The following ADAMTS19 variants were observed in gnomAD, a reference collection of about 807,000 sequenced individuals.
ADAMTS19 encodes the protein A disintegrin and metalloproteinase with thrombospondin motifs 19.
ADAMTS19 carries 93 observed loss-of-function variants against 153.3 expected under a neutral mutation model. That is an observed-to-expected ratio of 0.61 (90% CI 0.51 to 0.72). ADAMTS19 has a LOEUF of 0.72. Among genes scored for constraint, ADAMTS19 ranks in the 30% least tolerant of loss-of-function variants. The pLI is 0.00. For missense variants in ADAMTS19, 1,482 were observed against 1,552.1 expected (o/e 0.95, Z 0.76); for synonymous variants, 600 against 556.6 (o/e 1.08, Z -1.10).
intron 10 of ADAMTS19, among the ~76,000 whole-genome samples, chr5:129,622,940 C>T (rs1370876662): frequency 6.6e-6 from 1 of 151,414 alleles, no homozygotes; most frequent in Non-Finnish European, 1.5e-5. Flanking sequence ...TTGGTTGGAT[C>T]CCTGGATGTG....
chr5:129,518,249 T>C (rs1751679134), intron 3 of ADAMTS19, among the ~76,000 whole-genome samples: 1 of 152,152 alleles, frequency 6.6e-6, no homozygotes, highest in East Asian at 1.9e-4. Context: ...GTAACAGTGT[T>C]ATAATATTCT....
chr5:129,587,595 C>T lies in ADAMTS19; in HGVS notation c.1373-8964C>T, dbSNP rs532542274. On this transcript the variant is annotated intron_variant, in intron 7 of 22. Transcript: ENST00000274487. ...TTGGGACTGTATTGTGTCACAAGTT[C>T]ACATGGAGATTCTGTTCGGCTCTTC... 1.2e-3 allele frequency among the ~76,000 whole-genome samples: 182 copies of T among 152,264 alleles called. 1 individual carries two copies. Among genetic ancestry groups the T allele is most frequent in the African/African-American group, 4.2e-3 (176 of 41,566 alleles).
intron 10 of ADAMTS19, among the ~76,000 whole-genome samples, chr5:129,622,637 T>G (rs780967786): frequency 6.6e-6 from 1 of 152,212 alleles, no homozygotes; most frequent in Non-Finnish European, 1.5e-5. Flanking sequence ...TGCTTCTATT[T>G]TAAATCCCAT....
At chr5:129,520,692 C>T (rs554692040) in intron 3 of ADAMTS19, among the ~76,000 whole-genome samples, 1 of 152,242 alleles carries the variant, frequency 6.6e-6, no homozygotes, top group African/African-American at 2.4e-5. Flanking sequence ...TTGGACGAGT[C>T]ATTTCTCTGC....
In ADAMTS19 at chr5:129,654,449, A is replaced by G. The variant is rs749042719; in HGVS notation, c.2304+16A>G. 1 of 1,597,220 alleles carries G rather than the reference A, an allele frequency of 6.3e-7. No homozygotes were observed. The highest frequency in any genetic ancestry group is 1.8e-5 in the Admixed American group (1 of 55,312). On this transcript the variant is annotated intron_variant, in intron 14 of 22. Coordinates refer to ENST00000274487, the MANE Select transcript of ADAMTS19 (RefSeq NM_133638.6). The stretch of plus-strand genomic sequence containing the variant: ...CAGGTGCCAGGTAAGACATTCCAAA[A>G]AAAAAAAGAATTTATATGTTGAAGG...
At chr5:129,702,941 A>AAAAAAAAAAATATATATATATATATATAT in intron 20 of ADAMTS19, among the ~76,000 whole-genome samples, 1 of 29,308 alleles carries the variant, frequency 3.4e-5, no homozygotes, top group African/African-American at 8.5e-5. Context: ...AAAAAAAAAA[A>AAAAAAAAAAATATATATATATATATATAT]ATATATATAT....
chr5:129,472,918 C>T (rs563726489), intron 2 of ADAMTS19, among the ~76,000 whole-genome samples: 2 of 151,336 alleles, frequency 1.3e-5, no homozygotes, highest in Non-Finnish European at 2.9e-5. Flanking sequence ...AGTTCAGATG[C>T]GGATAAAGGA....
chr5:129,569,387 GA>G (rs1206994641), intron 7 of ADAMTS19, among the ~76,000 whole-genome samples: 2 of 152,082 alleles, frequency 1.3e-5, no homozygotes, highest in Non-Finnish European at 2.9e-5. Context: ...AATTATATTT[GA>G]AATGTCAACA....
At chr5:129,490,130 C>G (rs1421764010) in intron 2 of ADAMTS19, among the ~76,000 whole-genome samples, 1 of 152,152 alleles carries the variant, frequency 6.6e-6, no homozygotes, top group African/African-American at 2.4e-5. Flanking sequence ...TCCCGGCATT[C>G]CAGGAAATGT....
chr5:129,705,272 G>T (rs1244831608), intron 21 of ADAMTS19, among the ~76,000 whole-genome samples: 2 of 152,122 alleles, frequency 1.3e-5, no homozygotes, highest in African/African-American at 4.8e-5. Flanking sequence ...AAAAGAAAGT[G>T]ATGGCTGCTG....
rs556694587 is a variant in ADAMTS19 at position 129,663,594 on chromosome 5, C to T, written c.2426-1905C>T. On this transcript the variant is annotated intron_variant, in intron 15 of 22. Coordinates refer to ENST00000274487, the MANE Select transcript of ADAMTS19 (RefSeq NM_133638.6). ...CCCACTTTCTTTTGGTTACTAAGTT[C>T]AGAAATTTTTTTCTACAGAGTATCT... 2.0e-5 allele frequency among the ~76,000 whole-genome samples: 3 copies of T among 152,232 alleles called. No homozygotes were observed. In the East Asian group the frequency reaches 5.8e-4, roughly 29 times the overall value.
chr5:129,483,902 G>C lies in ADAMTS19; in HGVS notation c.747+22145G>C, dbSNP rs12188507. ...ATTCCTGAAAATGATGTCTTTGAAT[G>C]GGGGGTGGGGAGACACAGGGCTTGC... On this transcript the variant is annotated intron_variant, in intron 2 of 22. Coordinates refer to ENST00000274487, the MANE Select transcript of ADAMTS19 (RefSeq NM_133638.6). 3.9e-5 allele frequency among the ~76,000 whole-genome samples: 6 copies of C among 151,998 alleles called. 1 individual carries two copies. In the South Asian group the frequency reaches 1.2e-3, roughly 31 times the overall value.
At chr5:129,617,718 C>G (rs909616651) in intron 8 of ADAMTS19, among the ~76,000 whole-genome samples, 24 of 152,070 alleles carry the variant, frequency 1.6e-4, no homozygotes, top group African/African-American at 5.5e-4. Context: ...CATTAAGCCA[C>G]TTTTACTGAT....
At chr5:129,709,793 A>C (rs1474041888) in intron 21 of ADAMTS19, among the ~76,000 whole-genome samples, 3 of 152,204 alleles carry the variant, frequency 2.0e-5, no homozygotes, top group Non-Finnish European at 2.9e-5. Flanking sequence ...ATTGGCCAGC[A>C]GTCAATACAA....
At chr5:129,688,441 A>T (rs1755185009) in intron 18 of ADAMTS19, among the ~76,000 whole-genome samples, 1 of 151,884 alleles carries the variant, frequency 6.6e-6, no homozygotes, top group African/African-American at 2.4e-5. Flanking sequence ...ACTTAAAAGG[A>T]TATGGTTATC....
rs1440075894 is a variant in ADAMTS19, at chr5:129,714,420, C to A, written c.3312+10029C>A. 1.4e-4 allele frequency among the ~76,000 whole-genome samples: 13 copies of A among 91,686 alleles called. No individual in the cohort carries two copies. In the South Asian group the frequency reaches 3.4e-3, roughly 24 times the overall value. 60.1% of individuals were successfully genotyped at this position (91,686 alleles called of 152,430 possible). ...CGGCCTGGGCGACAGAGCGAGACTC[C>A]GTCTCAAAAAAAAAAAAAAAAAAGA... On this transcript the variant is annotated intron_variant, in intron 21 of 22. Coordinates refer to ENST00000274487, the MANE Select transcript of ADAMTS19 (RefSeq NM_133638.6).
rs139874584 is a variant in ADAMTS19, at chr5:129,475,394, G to A, written c.747+13637G>A. On this transcript the variant is annotated intron_variant, in intron 2 of 22. Transcript: ENST00000274487. ...AAAAGTAAATTGACCGCAAATGTGC[G>A]AGTTTATTTTTGAACTACTTATACT... 4.8e-3 allele frequency among the ~76,000 whole-genome samples: 734 copies of A among 152,212 alleles called. 4 individuals are homozygous for A. The highest frequency in any genetic ancestry group is 6.8e-3 in the Non-Finnish European group (462 of 67,998).
intron 7 of ADAMTS19, among the ~76,000 whole-genome samples, chr5:129,592,599 A>T (rs530464864): frequency 1.7e-4 from 26 of 152,092 alleles, no homozygotes; most frequent in Non-Finnish European, 3.7e-4. Context: ...TCAAATAAAA[A>T]ATTCCTTGGT....
At chr5:129,559,398 A>C (rs1424059540) in intron 7 of ADAMTS19, among the ~76,000 whole-genome samples, 1 of 152,106 alleles carries the variant, frequency 6.6e-6, no homozygotes, top group Non-Finnish European at 1.5e-5. Context: ...ATTAAAAAAA[A>C]ATAAAATGGT....
Sources: gnomAD v4.1 joint callset for allele counts (sites outside exome capture counted in the v4.1 genomes callset) on GRCh38, gnomAD v4.1.1 for gene constraint, MANE v1.5 for transcripts, NCBI Gene and HGNC (gene_info 2026-07-23, HGNC 2026-07-21) for gene names.